The following ERBB4 variants were observed in gnomAD, a reference collection of about 807,000 sequenced individuals.
The protein encoded by ERBB4 is receptor tyrosine-protein kinase erbB-4.
ERBB4 carries 42 observed loss-of-function variants against 158.0 expected under a neutral mutation model. The ratio of observed to expected loss-of-function variants is 0.27; its 90% CI spans 0.21 to 0.34. ERBB4 has a LOEUF of 0.34. Among genes scored for constraint, ERBB4 ranks in the 10% least tolerant of loss-of-function variants. The pLI, the probability that ERBB4 is intolerant of heterozygous loss-of-function variation, is 1.00. For synonymous variants in ERBB4, 583 were observed against 558.7 expected (o/e 1.04, Z -0.61); for missense variants, 1,333 against 1,624.1 (o/e 0.82, Z 3.08).
At chr2:211,829,235 AT>A (rs1341663171) in intron 3 of ERBB4, among the ~76,000 whole-genome samples, 4 of 152,086 alleles carry the variant, frequency 2.6e-5, no homozygotes, top group Admixed American at 2.6e-4. Flanking sequence ...TCACATCATT[AT>A]TTTCAGTTAT....
chr2:212,525,963 C>G (rs6761143), intron 1 of ERBB4, among the ~76,000 whole-genome samples: 1 of 151,838 alleles, frequency 6.6e-6, no homozygotes. Context: ...AAAGCTATTA[C>G]TGATATTTTG....
At chr2:212,041,958 C>T (rs1009917446) in intron 2 of ERBB4, among the ~76,000 whole-genome samples, 4 of 151,944 alleles carry the variant, frequency 2.6e-5, no homozygotes, top group African/African-American at 7.2e-5. Context: ...ATTATAATAC[C>T]GTATAATTAG....
chr2:211,664,135 G>C (rs945427070), intron 15 of ERBB4, among the ~76,000 whole-genome samples: 2 of 152,136 alleles, frequency 1.3e-5, no homozygotes, highest in African/African-American at 4.8e-5. Context: ...AGTGAGTTAA[G>C]CTTATTTCTT....
intron 1 of ERBB4, among the ~76,000 whole-genome samples, chr2:212,441,285 C>G (rs2092248958): frequency 6.6e-6 from 1 of 152,206 alleles, no homozygotes; most frequent in South Asian, 2.1e-4. Context: ...CCATCTTTGT[C>G]TGAGGAGATA....
intron 20 of ERBB4, among the ~76,000 whole-genome samples, chr2:211,482,482 G>A (rs996832670): frequency 4.6e-5 from 7 of 152,184 alleles, no homozygotes; most frequent in South Asian, 2.1e-4. Context: ...TCAGAAGAAA[G>A]TTCAAGAATA....
intron 1 of ERBB4, among the ~76,000 whole-genome samples, chr2:212,446,093 G>A (rs1267339510): frequency 6.6e-6 from 1 of 152,120 alleles, no homozygotes; most frequent in Admixed American, 6.5e-5. Context: ...TTGTATGAAG[G>A]ATAGTTGTAT....
chr2:211,738,966 T>G (rs1026142956), intron 5 of ERBB4, among the ~76,000 whole-genome samples: 4 of 152,162 alleles, frequency 2.6e-5, no homozygotes, highest in Non-Finnish European at 5.9e-5. Flanking sequence ...TTATATTTTA[T>G]TTTGTATTTG....
At chr2:212,448,046 AT>A (rs1360660736) in intron 1 of ERBB4, among the ~76,000 whole-genome samples, 2 of 152,104 alleles carry the variant, frequency 1.3e-5, no homozygotes, top group African/African-American at 4.8e-5. Context: ...AAATCCAGTG[AT>A]TTCAGCGGTA....
chr2:212,024,845 T>C (rs982625586), intron 2 of ERBB4, among the ~76,000 whole-genome samples: 4 of 151,876 alleles, frequency 2.6e-5, no homozygotes, highest in Non-Finnish European at 5.9e-5. Flanking sequence ...TCTGATGTGA[T>C]ATGAATATCA....
chr2:211,445,683 G>A (rs1273149068), intron 20 of ERBB4, among the ~76,000 whole-genome samples: 2 of 152,134 alleles, frequency 1.3e-5, no homozygotes, highest in African/African-American at 4.8e-5. Context: ...TCACTAGATT[G>A]CAGTGGACTC....
chr2:211,511,507 G>C (rs945217103), intron 20 of ERBB4, among the ~76,000 whole-genome samples: 1 of 152,010 alleles, frequency 6.6e-6, no homozygotes, highest in Non-Finnish European at 1.5e-5. Flanking sequence ...TTTCTGTGAT[G>C]TTACCCTGAG....
intron 1 of ERBB4, among the ~76,000 whole-genome samples, chr2:212,192,961 T>C (rs749469490): frequency 6.6e-6 from 1 of 152,182 alleles, no homozygotes; most frequent in Non-Finnish European, 1.5e-5. Context: ...AAGCTAATGA[T>C]AGTTTTTACG....
At chr2:211,897,851 T>G (rs1273862624) in intron 3 of ERBB4, among the ~76,000 whole-genome samples, 1 of 152,050 alleles carries the variant, frequency 6.6e-6, no homozygotes, top group African/African-American at 2.4e-5. Context: ...TCAAGGGATC[T>G]TCCCTTCTCA....
At chr2:212,403,863 T>C (rs1487524558) in intron 1 of ERBB4, among the ~76,000 whole-genome samples, 1 of 152,042 alleles carries the variant, frequency 6.6e-6, no homozygotes, top group Admixed American at 6.6e-5. Context: ...GTGTTCTTAC[T>C]ACAATAAAAT....
Position 211,424,145 on chromosome 2 carries a change from G to C in ERBB4, c.2866+10C>G. 6.2e-7 allele frequency: 1 copy of C among 1,610,254 alleles called. No homozygotes were observed. Among genetic ancestry groups the C allele is most frequent in the Non-Finnish European group, 8.5e-7 (1 of 1,176,790 alleles). On this transcript the variant is annotated intron_variant, in intron 23 of 27. Transcript: ENST00000342788. ...ATGATGATGGTGATAACATTATTTT[G>C]CAGTCTTACATTTGACCATGACCAT...
chr2:211,859,045 G>A (rs372868364), intron 3 of ERBB4, among the ~76,000 whole-genome samples: 2 of 152,264 alleles, frequency 1.3e-5, no homozygotes, highest in East Asian at 3.9e-4. Flanking sequence ...GCCTCACAAA[G>A]TGCTGGGATT....
intron 2 of ERBB4, among the ~76,000 whole-genome samples, chr2:211,994,658 T>A (rs2082155957): frequency 6.6e-6 from 1 of 151,954 alleles, no homozygotes; most frequent in Admixed American, 6.6e-5. Flanking sequence ...TCTGAACAAC[T>A]ATATAGAATT....
chr2:212,070,514 A>T (rs1362008880), intron 2 of ERBB4, among the ~76,000 whole-genome samples: 1 of 152,104 alleles, frequency 6.6e-6, no homozygotes. Context: ...GAATAGATTT[A>T]AGAGTTCAAA....
At chr2:212,510,821 A>C (rs1691475868) in intron 1 of ERBB4, among the ~76,000 whole-genome samples, 1 of 152,118 alleles carries the variant, frequency 6.6e-6, no homozygotes, top group African/African-American at 2.4e-5. Flanking sequence ...GAAACAAAGT[A>C]ATAGCCATTT....
Sources: gnomAD v4.1 joint callset for allele counts (sites outside exome capture counted in the v4.1 genomes callset) on GRCh38, gnomAD v4.1.1 for gene constraint, MANE v1.5 for transcripts, NCBI Gene and HGNC (gene_info 2026-07-23, HGNC 2026-07-21) for gene names.